SRD5A2: variants seen among roughly 807,000 people sequenced by gnomAD.
SRD5A2 encodes steroid 5 alpha-reductase 2, also known as 3-oxo-5-alpha-steroid 4-dehydrogenase 2.
SRD5A2 carries 30 observed loss-of-function variants against 27.4 expected under a neutral mutation model. The observed-to-expected ratio is 1.10, with a 90% CI of 0.82 to 1.49. The LOEUF is 1.49. Ranked by LOEUF, SRD5A2 falls within the 40% of genes most tolerant of loss-of-function variation. SRD5A2 has a pLI of 0.00. For missense variants in SRD5A2, 348 were observed against 323.4 expected (o/e 1.08, Z -0.58); for synonymous variants, 141 against 133.6 (o/e 1.06, Z -0.38).
chr2:31,547,716 G>A (rs1666290701), intron 1 of SRD5A2, among the ~76,000 whole-genome samples: 1 of 152,100 alleles, frequency 6.6e-6, no homozygotes, highest in Non-Finnish European at 1.5e-5. Context: ...TGGTTCTAAG[G>A]CCATCAGACT....
At chr2:31,580,278 C>T (rs1040605481) in intron 1 of SRD5A2, among the ~76,000 whole-genome samples, 1 of 152,258 alleles carries the variant, frequency 6.6e-6, no homozygotes, top group African/African-American at 2.4e-5. Context: ...AGTTAAGGAA[C>T]AGTCCTGTCC....
the SRD5A2 span, among the ~76,000 whole-genome samples, chr2:31,588,753 T>G: frequency 8.5e-5 from 13 of 152,248 alleles, no homozygotes; most frequent in East Asian, 2.5e-3. Flanking sequence ...CACTAAATAT[T>G]ATAACACTAA....
chr2:31,540,608 T>G (rs1666110734), intron 1 of SRD5A2, among the ~76,000 whole-genome samples: 1 of 152,154 alleles, frequency 6.6e-6, no homozygotes. Context: ...AGGCAATAAT[T>G]GCACTGACAG....
chr2:31,580,281 T>G (rs1278769948), intron 1 of SRD5A2, among the ~76,000 whole-genome samples: 1 of 152,170 alleles, frequency 6.6e-6, no homozygotes, highest in Non-Finnish European at 1.5e-5. Context: ...TAAGGAACAG[T>G]CCTGTCCAAT....
chr2:31,577,177 A>AAAT (rs1254051044), intron 1 of SRD5A2, among the ~76,000 whole-genome samples: 1 of 140,790 alleles, frequency 7.1e-6, no homozygotes, highest in Admixed American at 7.1e-5. Context: ...AAAAAAAAAA[A>AAAT]AAAAAGAGGT....
intron 1 of SRD5A2, among the ~76,000 whole-genome samples, chr2:31,547,065 T>A (rs182184591): frequency 1.5e-4 from 23 of 151,764 alleles, no homozygotes; most frequent in African/African-American, 5.6e-4. Context: ...GCCATTGCAC[T>A]CCAGCCTGGG....
At chr2:31,640,781 C>A in the SRD5A2 span, among the ~76,000 whole-genome samples, 1 of 152,074 alleles carries the variant, frequency 6.6e-6, no homozygotes, top group Non-Finnish European at 1.5e-5. Flanking sequence ...GGATGGTAGT[C>A]CTACCTACCC....
At chr2:31,643,815 G>T in the SRD5A2 span, among the ~76,000 whole-genome samples, 1 of 152,198 alleles carries the variant, frequency 6.6e-6, no homozygotes, top group African/African-American at 2.4e-5. Context: ...TAAAATCCAT[G>T]TGTCCATGCT....
chr2:31,561,033 A>C (rs896842821), intron 1 of SRD5A2, among the ~76,000 whole-genome samples: 1 of 152,162 alleles, frequency 6.6e-6, no homozygotes, highest in Non-Finnish European at 1.5e-5. Context: ...CTATATACCT[A>C]TCCCAACCCT....
At chr2:31,567,012 G>A (rs1192466596) in intron 1 of SRD5A2, among the ~76,000 whole-genome samples, 2 of 151,914 alleles carry the variant, frequency 1.3e-5, no homozygotes, top group African/African-American at 4.8e-5. Flanking sequence ...TAACTAAATG[G>A]CTCCATATAT....
the SRD5A2 span, among the ~76,000 whole-genome samples, chr2:31,602,473 T>G: frequency 1.8e-4 from 27 of 151,882 alleles, no homozygotes. Context: ...GCGAAAATGG[T>G]CATACTGCCC....
chr2:31,633,231 C>G, the SRD5A2 span, among the ~76,000 whole-genome samples: 178 of 152,262 alleles, frequency 1.2e-3, no homozygotes, highest in Middle Eastern at 6.8e-3. Context: ...TTCCTCCCCT[C>G]GGGATGGCTA....
the SRD5A2 span, among the ~76,000 whole-genome samples, chr2:31,628,523 C>CTGCAT: frequency 6.6e-6 from 1 of 152,072 alleles, no homozygotes. Context: ...ATATTGTTAG[C>CTGCAT]TGGTTATTAT....
At chr2:31,624,702 G>T in the SRD5A2 span, among the ~76,000 whole-genome samples, 1 of 152,076 alleles carries the variant, frequency 6.6e-6, no homozygotes. Flanking sequence ...CTTTTTCATG[G>T]CCACATAGTA....
At chr2:31,626,116 T>G in the SRD5A2 span, among the ~76,000 whole-genome samples, 8 of 152,334 alleles carry the variant, frequency 5.3e-5, no homozygotes, top group East Asian at 1.9e-4. Flanking sequence ...TTATTCTCTT[T>G]GAAGCAATTG....
At chr2:31,624,930 T>G in the SRD5A2 span, among the ~76,000 whole-genome samples, 2 of 152,166 alleles carry the variant, frequency 1.3e-5, no homozygotes, top group East Asian at 1.9e-4. Context: ...TTGAGGAATC[T>G]CCACACTGTC....
At chr2:31,579,250 T>C (rs754026755) in intron 1 of SRD5A2, among the ~76,000 whole-genome samples, 4 of 152,182 alleles carry the variant, frequency 2.6e-5, no homozygotes, top group Non-Finnish European at 4.4e-5. Flanking sequence ...TCTTGACCAA[T>C]AAAGAAGATT....
In SRD5A2 at chr2:31,535,698, A is replaced by G. The variant is rs28383036; in HGVS notation, c.282-1932T>C. 2.6e-3 allele frequency among the ~76,000 whole-genome samples: 403 copies of G among 152,298 alleles called. 3 individuals are homozygous for G. Among genetic ancestry groups the G allele is most frequent in the African/African-American group, 9.3e-3 (387 of 41,560 alleles). Reference sequence around the variant, plus strand: ...ACCCCACCCAATCACAACAGTGCCTACAATTCATGTCAGTAAATAATTACC... The same window carrying G: ...ACCCCACCCAATCACAACAGTGCCTGCAATTCATGTCAGTAAATAATTACC... On this transcript the variant is annotated intron_variant, in intron 1 of 4. Coordinates refer to ENST00000622030, the MANE Select transcript of SRD5A2 (RefSeq NM_000348.4).
In SRD5A2 at chr2:31,580,862, G is replaced by T. The variant is rs938699371; in HGVS notation, c.39C>A (p.Gly13=). ...CCCCAAGGGCGACCAAAGTGGCGCT[G>T]CCTGCCAGCACTGGGCTCTGCTGGC... ...VQCQQSPVLA[G]SATLVALGAL... is the part of the protein sequence containing the mutation. The change falls in exon 1 of 5, where the codon GGC becomes GGA. Residue 13 remains glycine, a synonymous_variant. Coordinates refer to ENST00000622030, the MANE Select transcript of SRD5A2 (RefSeq NM_000348.4). 6.2e-7 allele frequency: 1 copy of T among 1,610,828 alleles called. No individual in the cohort carries two copies. Among genetic ancestry groups the T allele is most frequent in the Admixed American group, 1.7e-5 (1 of 59,952 alleles).
Sources: gnomAD v4.1 joint callset for allele counts (sites outside exome capture counted in the v4.1 genomes callset) on GRCh38, gnomAD v4.1.1 for gene constraint, MANE v1.5 for transcripts, NCBI Gene and HGNC (gene_info 2026-07-23, HGNC 2026-07-21) for gene names.